The following MGRN1 variants were observed in gnomAD, a reference collection of about 807,000 sequenced individuals.
MGRN1 encodes the protein mahogunin ring finger 1.
MGRN1 carries 29 observed loss-of-function variants against 69.2 expected under a neutral mutation model. That is an observed-to-expected ratio of 0.42 (90% CI 0.31 to 0.57). The LOEUF (loss-of-function observed/expected upper bound fraction) is 0.57. Ranked by LOEUF, MGRN1 falls within the 20% of genes least tolerant of loss-of-function variation. The pLI is 0.15. For missense variants in MGRN1, 998 were observed against 796.2 expected (o/e 1.25, Z -3.05); for synonymous variants, 470 against 344.2 (o/e 1.37, Z -4.04).
chr16:4,677,380 G>C (rs1464503405), intron 10 of MGRN1, 83 bp from the exon 11 acceptor site: 32 of 1,037,524 alleles, frequency 3.1e-5, no homozygotes, highest in Non-Finnish European at 3.9e-5. Flanking sequence ...GTGTGGGGGG[G>C]GTGTTGATCC....
intron 1 of MGRN1, among the ~76,000 whole-genome samples, chr16:4,643,001 G>T (rs2078196288): frequency 6.6e-6 from 1 of 151,854 alleles, no homozygotes; most frequent in African/African-American, 2.4e-5. Flanking sequence ...TGTCACCCAG[G>T]CTAGAGTGAA....
chr16:4,665,299 C>G (rs1284454088), intron 7 of MGRN1, 148 bp downstream of exon 7: 1 of 757,784 alleles, frequency 1.3e-6, no homozygotes, highest in Non-Finnish European at 2.2e-6. Context: ...GTGTCTGTGG[C>G]TTCCTGCTTT....
chr16:4,668,387 AC>A, intron 8 of MGRN1, 75 bp downstream of exon 8: 13 of 1,480,288 alleles, frequency 8.8e-6, no homozygotes, highest in Non-Finnish European at 1.2e-5. Flanking sequence ...GCATACTCAT[AC>A]ATAGACACAC....
At chr16:4,658,834 GAAAAATAC>G (rs1451494901) in intron 5 of MGRN1, 29 of 152,234 alleles carry the variant, frequency 1.9e-4, no homozygotes, top group African/African-American at 6.0e-4. Flanking sequence ...TTGTCTCTAT[GAAAAATAC>G]AAAAATTAGC....
At chr16:4,672,402 C>A (rs183920917) in intron 9 of MGRN1, 1 of 456,616 alleles carries the variant, frequency 2.2e-6, no homozygotes, top group African/African-American at 2.0e-5. Flanking sequence ...CTCTTAAGAT[C>A]TCTTGGAAAG....
intron 1 of MGRN1, among the ~76,000 whole-genome samples, chr16:4,642,051 C>A (rs1291758458): frequency 6.6e-6 from 1 of 151,828 alleles, no homozygotes; most frequent in Non-Finnish European, 1.5e-5. Context: ...TCACGTAGAC[C>A]CTGTTCTTGA....
intron 16 of MGRN1, chr16:4,686,203 G>GACA (rs2079314086): frequency 2.0e-6 from 3 of 1,533,524 alleles, no homozygotes; most frequent in African/African-American, 2.7e-5. Flanking sequence ...TGGCTGTGCT[G>GACA]GCTGCTGCGC....
chr16:4,657,282 C>T lies in MGRN1; in HGVS notation c.480C>T (p.Thr160=), dbSNP rs369316146. 2.3e-4 allele frequency: 376 copies of T among 1,614,050 alleles called. No homozygotes were observed. Among genetic ancestry groups the T allele is most frequent in the Non-Finnish European group, 2.8e-4 (333 of 1,179,996 alleles). ...AGAGCCCCTCGCTACAGTCCGAGAC[C>T]GTCCACTACAAGAGAGGGGTGAGCC... The part of the protein sequence containing the change: ...SPKSPSLQSE[T]VHYKRGVSQQ... Residue 160 remains threonine (T), a synonymous_variant, in exon 5 of 17, where the codon ACC becomes ACT. Coordinates refer to ENST00000262370, the MANE Select transcript of MGRN1 (RefSeq NM_015246.4).
intron 1 of MGRN1, among the ~76,000 whole-genome samples, chr16:4,636,223 C>G (rs550097589): frequency 1.3e-5 from 2 of 152,096 alleles, no homozygotes; most frequent in African/African-American, 4.8e-5. Context: ...CTATTGTCCC[C>G]TTCTGAACAA....
In MGRN1 at chr16:4,686,752, G is replaced by T. The variant is rs536561031; in HGVS notation, c.1619-2044G>T. ...AGAGGCCTGGGCCTGGCCTTGTTCC[G>T]GATGGTCCCACCATGAGTTCGCATC... On this transcript the variant is annotated intron_variant, in intron 16 of 16. Transcript: ENST00000262370. The T allele has an allele frequency of 3.0e-6, 3 of 1,000,326 alleles. No individual in the cohort carries two copies. The East Asian group carries it at 3.2e-4, about 106-fold the overall frequency. The allele number at this position is 1,000,326 out of a possible 1,614,324, so 62.0% of individuals were successfully genotyped here. A position where few individuals can be genotyped will look rare whatever the true frequency, so the allele number is the denominator to read the frequency against.
intron 10 of MGRN1, 66 bp from the exon 11 acceptor site, chr16:4,677,397 C>T: frequency 7.6e-7 from 1 of 1,318,214 alleles, no homozygotes; most frequent in Non-Finnish European, 1.0e-6. Flanking sequence ...ATCCCTGGGG[C>T]TGGGAGGGTC....
chr16:4,624,927 G>T lies in MGRN1; in HGVS notation c.-34G>T. 6.6e-7 allele frequency: 1 copy of T among 1,504,390 alleles called. No individual in the cohort carries two copies. Among genetic ancestry groups the T allele is most frequent in the Non-Finnish European group, 8.9e-7 (1 of 1,125,746 alleles). The allele number at this position is 1,504,390 out of a possible 1,614,324, so 93.2% of individuals were successfully genotyped here. On this transcript the variant is annotated 5_prime_UTR_variant, in exon 1 of 17. Coordinates refer to ENST00000262370, the MANE Select transcript of MGRN1 (RefSeq NM_015246.4). ...CGCCGCTGTCGCCGCTCCCGTTCCG[G>T]CCCTGGCCCCTCTGCCCGGCAGCGC... is the stretch of plus-strand genomic sequence containing the variant.
At chr16:4,632,257 G>T (rs943264029) in intron 1 of MGRN1, among the ~76,000 whole-genome samples, 4 of 151,240 alleles carry the variant, frequency 2.6e-5, no homozygotes, top group South Asian at 2.1e-4. Context: ...CTTTTGACCC[G>T]CCTACCTCAG....
rs773020300 is a variant in MGRN1, at chr16:4,683,284, C to T, written c.1528+15C>T. 1.9e-6 allele frequency: 3 copies of T among 1,613,586 alleles called. No homozygotes were observed. Among genetic ancestry groups the T allele is most frequent in the South Asian group, 2.2e-5 (2 of 91,088 alleles). On this transcript the variant is annotated intron_variant, in intron 15 of 16. Coordinates refer to ENST00000262370, the MANE Select transcript of MGRN1 (RefSeq NM_015246.4). ...ACCACAGCAAGGTGAGCGCCTCCTT[C>T]CATGGGCACAAACCGCATGCAGGGA...
At chr16:4,647,646 A>G (rs2078302488) in intron 1 of MGRN1, among the ~76,000 whole-genome samples, 1 of 152,180 alleles carries the variant, frequency 6.6e-6, no homozygotes, top group Admixed American at 6.5e-5. Flanking sequence ...GCAGTGTGTT[A>G]ACTTGTTTTC....
intron 1 of MGRN1, among the ~76,000 whole-genome samples, chr16:4,641,761 C>A (rs960334489): frequency 2.6e-5 from 4 of 152,060 alleles, no homozygotes; most frequent in African/African-American, 4.8e-5. Flanking sequence ...TCAGGTGATT[C>A]GCCTGCCTCG....
intron 1 of MGRN1, among the ~76,000 whole-genome samples, chr16:4,638,084 A>T (rs1293884120): frequency 5.9e-5 from 9 of 152,126 alleles, no homozygotes; most frequent in Middle Eastern, 3.2e-3. Context: ...CAGTGTGTTC[A>T]CACCTGCCGG....
chr16:4,632,688 C>T (rs767735002), intron 1 of MGRN1, among the ~76,000 whole-genome samples: 42 of 152,300 alleles, frequency 2.8e-4, no homozygotes, highest in African/African-American at 7.2e-4. Context: ...GCCACCGTGC[C>T]GGGACCAGTG....
intron 14 of MGRN1, 130 bp downstream of exon 14, chr16:4,683,076 C>G: frequency 6.7e-7 from 1 of 1,487,640 alleles, no homozygotes; most frequent in East Asian, 2.3e-5. Flanking sequence ...TGCTGAGCTG[C>G]GCGGCTCCTT....
Sources: gnomAD v4.1 joint callset for allele counts (sites outside exome capture counted in the v4.1 genomes callset) on GRCh38, gnomAD v4.1.1 for gene constraint, MANE v1.5 for transcripts, NCBI Gene and HGNC (gene_info 2026-07-23, HGNC 2026-07-21) for gene names.